Variants in WDR19 observed in about 807,000 individuals in gnomAD.
WDR19 encodes WD repeat domain 19.
WDR19 carries 121 observed loss-of-function variants against 180.0 expected under a neutral mutation model. The ratio of observed to expected loss-of-function variants is 0.67; its 90% CI spans 0.58 to 0.78. The LOEUF (loss-of-function observed/expected upper bound fraction) is 0.78. Among genes scored for constraint, WDR19 ranks in the 30% least tolerant of loss-of-function variants. The pLI, the probability that WDR19 is intolerant of heterozygous loss-of-function variation, is 0.00. For missense variants in WDR19, 1,450 were observed against 1,640.7 expected, an observed-to-expected ratio of 0.88 and a Z score of 2.01; for synonymous variants, 497 against 540.7, an observed-to-expected ratio of 0.92 and a Z score of 1.12.
At chr4:39,268,169 G>C in intron 30 of WDR19, 78 bp downstream of exon 30, 2 of 1,258,332 alleles carry the variant, frequency 1.6e-6, no homozygotes, top group Non-Finnish European at 2.2e-6. Flanking sequence ...GTGTAGGAAA[G>C]AGTAGCCCCT....
chr4:39,280,477 A>G (rs1032765228), intron 36 of WDR19, among the ~76,000 whole-genome samples: 1 of 151,990 alleles, frequency 6.6e-6, no homozygotes, highest in African/African-American at 2.4e-5. Flanking sequence ...TGGGCAACAT[A>G]GTAAGACCAT....
chr4:39,225,196 T>A (rs1730123608), intron 15 of WDR19, among the ~76,000 whole-genome samples, 163 bp downstream of exon 15: 1 of 152,226 alleles, frequency 6.6e-6, no homozygotes. Flanking sequence ...ATTTCTCATA[T>A]CAAGAAAACT....
chr4:39,235,572 A>G (rs1367563984), intron 20 of WDR19, among the ~76,000 whole-genome samples: 1 of 152,230 alleles, frequency 6.6e-6, no homozygotes, highest in Non-Finnish European at 1.5e-5. Flanking sequence ...GAAAAACACC[A>G]AGGTTTCATC....
intron 26 of WDR19, 113 bp from the exon 27 acceptor site, chr4:39,255,735 A>T (rs563527630): frequency 4.0e-6 from 2 of 500,830 alleles, no homozygotes; most frequent in East Asian, 6.2e-5. Context: ...AATTACATTG[A>T]TGTTTGCTGT....
intron 5 of WDR19, among the ~76,000 whole-genome samples, chr4:39,198,213 T>C (rs1361027620): frequency 1.3e-5 from 2 of 152,152 alleles, no homozygotes; most frequent in Non-Finnish European, 2.9e-5. Context: ...TACCACACCA[T>C]GAAGCTGAAT....
In WDR19 at chr4:39,205,631, G is replaced by A. The variant is rs778096567; in HGVS notation, c.785G>A (p.Gly262Glu). The A allele has an allele frequency of 4.6e-5, 75 of 1,613,120 alleles. No homozygotes were observed. Among genetic ancestry groups the A allele is most frequent in the Non-Finnish European group, 6.0e-5 (71 of 1,179,566 alleles). ...GHFVVISTHT[G>E]ELGQEIFQAR... ...TTTGTGGTCATTTCTACTCATACTG[G>A]AGAGCTTGGTCAAGAGATATTTCAG... The change falls in exon 9 of 37, where the codon GGA (glycine) becomes GAA (glutamate). Residue 262 changes from glycine to glutamate, a missense_variant. Gly to Glu is a moderately conservative substitution (Grantham distance 98, BLOSUM62 -2). Transcript: ENST00000399820.
intron 23 of WDR19, 95 bp from the exon 24 acceptor site, chr4:39,245,274 G>T: frequency 9.8e-7 from 1 of 1,016,902 alleles, no homozygotes; most frequent in South Asian, 1.9e-5. Flanking sequence ...AGTAATAACT[G>T]GTTTTTGAAT....
At chr4:39,222,227 C>T (rs1729773334) in intron 14 of WDR19, among the ~76,000 whole-genome samples, 1 of 152,074 alleles carries the variant, frequency 6.6e-6, no homozygotes, top group South Asian at 2.1e-4. Context: ...TTTGGTGAAG[C>T]GTCTGTTCAA....
intron 24 of WDR19, among the ~76,000 whole-genome samples, chr4:39,245,987 C>T (rs1234793290): frequency 1.3e-5 from 2 of 152,106 alleles, no homozygotes; most frequent in Non-Finnish European, 2.9e-5. Context: ...TCTCCCACTA[C>T]TTAATACAAG....
At chr4:39,217,490 A>G (rs1729182517) in intron 13 of WDR19, among the ~76,000 whole-genome samples, 3 of 152,312 alleles carry the variant, frequency 2.0e-5, no homozygotes, top group Middle Eastern at 6.8e-3. Flanking sequence ...AACAGTAATA[A>G]TAATAATAAT....
chr4:39,232,041 T>C, intron 18 of WDR19, 85 bp downstream of exon 18: 1 of 1,553,232 alleles, frequency 6.4e-7, no homozygotes, highest in East Asian at 2.3e-5. Flanking sequence ...GCATTTAATC[T>C]TACCTCTTAA....
chr4:39,190,664 A>G (rs1181427561), intron 4 of WDR19, among the ~76,000 whole-genome samples: 1 of 152,238 alleles, frequency 6.6e-6, no homozygotes, highest in Non-Finnish European at 1.5e-5. Context: ...CAAGGCAGTC[A>G]TGTAGCGCAG....
intron 26 of WDR19, among the ~76,000 whole-genome samples, chr4:39,254,919 G>A (rs1284838827): frequency 1.3e-5 from 2 of 151,898 alleles, no homozygotes; most frequent in Admixed American, 6.6e-5. Flanking sequence ...TAAAATCCAC[G>A]AAATGACCAT....
intron 35 of WDR19, 129 bp downstream of exon 35, chr4:39,278,336 T>C: frequency 1.0e-6 from 1 of 987,864 alleles, no homozygotes; most frequent in African/African-American, 1.7e-5. Flanking sequence ...AATTGTCTTC[T>C]GGGAAGAACC....
chr4:39,242,213 T>A (rs1041371546), intron 21 of WDR19, among the ~76,000 whole-genome samples: 1 of 152,074 alleles, frequency 6.6e-6, no homozygotes, highest in South Asian at 2.1e-4. Context: ...TACTGGTACA[T>A]GCTACCACAC....
intron 12 of WDR19, among the ~76,000 whole-genome samples, chr4:39,216,675 C>A (rs1729099443): frequency 6.6e-6 from 1 of 152,108 alleles, no homozygotes; most frequent in African/African-American, 2.4e-5. Flanking sequence ...GTTCTGTCTC[C>A]CCTTTTATTC....
intron 15 of WDR19, among the ~76,000 whole-genome samples, chr4:39,227,859 A>G (rs1172540615): frequency 6.6e-6 from 1 of 152,202 alleles, no homozygotes; most frequent in Admixed American, 6.5e-5. Flanking sequence ...TTATTGAAAA[A>G]TTTCTAAACA....
chr4:39,234,849 A>G lies in WDR19; in HGVS notation c.2337A>G (p.Lys779=), dbSNP rs1233677272. ...CAGACCAGATACCTTTTATATCAAA[A>G]GAATATGCTATTCAGCTTGAATTCG... ...LAPDQIPFIS[K]EYAIQLEFAG... Residue 779 remains lysine (K), a synonymous_variant, in exon 20 of 37, where the codon AAA becomes AAG. Transcript: ENST00000399820. 5 of 1,568,812 alleles carry G rather than the reference A, an allele frequency of 3.2e-6. No homozygotes were observed. Among genetic ancestry groups the G allele is most frequent in the Non-Finnish European group, 4.3e-6 (5 of 1,155,640 alleles).
intron 28 of WDR19, among the ~76,000 whole-genome samples, chr4:39,261,475 A>T (rs1393857918): frequency 6.6e-6 from 1 of 152,198 alleles, no homozygotes; most frequent in Non-Finnish European, 1.5e-5. Flanking sequence ...GAAGAAGAAG[A>T]CGACTTGCCT....
Sources: gnomAD v4.1 joint callset for allele counts (sites outside exome capture counted in the v4.1 genomes callset) on GRCh38, gnomAD v4.1.1 for gene constraint, MANE v1.5 for transcripts, NCBI Gene and HGNC (gene_info 2026-07-23, HGNC 2026-07-21) for gene names.